ANKS1B: variants seen among roughly 807,000 people sequenced by gnomAD.
ANKS1B encodes the protein ankyrin repeat and sterile alpha motif domain-containing protein 1B.
A neutral mutation model predicts 148.3 loss-of-function variants in ANKS1B; 36 were observed. The observed-to-expected ratio is 0.24, with a 90% CI of 0.19 to 0.32. ANKS1B has a LOEUF of 0.32. Among genes scored for constraint, ANKS1B ranks in the 10% least tolerant of loss-of-function variants. ANKS1B has a pLI of 1.00. For missense variants in ANKS1B, 1,157 were observed against 1,542.6 expected, an observed-to-expected ratio of 0.75 and a Z score of 4.19; for synonymous variants, 542 against 560.8, an observed-to-expected ratio of 0.97 and a Z score of 0.47.
At chr12:99,433,247 T>A (rs1282205404) in intron 11 of ANKS1B, among the ~76,000 whole-genome samples, 11 of 152,040 alleles carry the variant, frequency 7.2e-5, no homozygotes. Context: ...TTCATGAGAG[T>A]CATATCTGTT....
chr12:99,113,663 T>G (rs2060743884), intron 15 of ANKS1B, among the ~76,000 whole-genome samples: 1 of 152,226 alleles, frequency 6.6e-6, no homozygotes, highest in Non-Finnish European at 1.5e-5. Context: ...CTTGGACTTG[T>G]GCCTTTCTCT....
intron 4 of ANKS1B, among the ~76,000 whole-genome samples, chr12:99,791,999 C>T (rs2065714859): frequency 1.3e-5 from 2 of 151,496 alleles, no homozygotes; most frequent in African/African-American, 2.4e-5. Context: ...ATTGACAAAC[C>T]TTTAGCCAGA....
intron 15 of ANKS1B, among the ~76,000 whole-genome samples, 152 bp downstream of exon 15, chr12:99,154,137 G>A (rs1314318663): frequency 1.3e-5 from 2 of 152,130 alleles, no homozygotes; most frequent in Non-Finnish European, 2.9e-5. Context: ...TACACAGCAA[G>A]TTCAGTCCTA....
intron 25 of ANKS1B, among the ~76,000 whole-genome samples, chr12:98,762,376 G>A (rs922069814): frequency 6.6e-6 from 1 of 152,120 alleles, no homozygotes; most frequent in African/African-American, 2.4e-5. Flanking sequence ...AGAGATGCAC[G>A]CACAGTTGAT....
intron 12 of ANKS1B, among the ~76,000 whole-genome samples, chr12:99,307,606 T>C (rs1216357546): frequency 6.6e-6 from 1 of 151,968 alleles, no homozygotes; most frequent in Non-Finnish European, 1.5e-5. Flanking sequence ...AAGAAGTTTG[T>C]GTGTGTGCAT....
intron 1 of ANKS1B, among the ~76,000 whole-genome samples, chr12:99,925,099 C>T (rs945229685): frequency 6.6e-6 from 1 of 152,110 alleles, no homozygotes; most frequent in Non-Finnish European, 1.5e-5. Context: ...TGGGGGCTGG[C>T]TTACACTGGA....
At chr12:99,159,142 C>T (rs1317868490) in intron 14 of ANKS1B, among the ~76,000 whole-genome samples, 3 of 152,046 alleles carry the variant, frequency 2.0e-5, no homozygotes, top group Non-Finnish European at 4.4e-5. Context: ...AAGAGTGGCT[C>T]AACGATTTTG....
chr12:99,345,061 T>G (rs1180723425), intron 12 of ANKS1B: 1 of 152,086 alleles, frequency 6.6e-6, no homozygotes, highest in African/African-American at 2.4e-5. Flanking sequence ...ACCTGGGAAC[T>G]TACGTGTTTA....
chr12:99,388,856 C>T lies in ANKS1B; in HGVS notation c.1756+10775G>A, dbSNP rs12580257. 3.9e-3 allele frequency among the ~76,000 whole-genome samples: 590 copies of T among 152,248 alleles called. 37 individuals are homozygous for T. In the East Asian group the frequency reaches 0.087, roughly 22 times the overall value. Reference sequence around the variant, plus strand: ...GCATCAAGTTGCTAACTTCTATGCCCGAAATTTAAGGAATCAGCTTATTAT... The same window carrying T: ...GCATCAAGTTGCTAACTTCTATGCCTGAAATTTAAGGAATCAGCTTATTAT... On this transcript the variant is annotated intron_variant, in intron 12 of 26. Transcript: ENST00000683438.
chr12:99,620,587 T>C (rs1026436570), intron 9 of ANKS1B, among the ~76,000 whole-genome samples: 2 of 152,282 alleles, frequency 1.3e-5, no homozygotes, highest in East Asian at 3.9e-4. Flanking sequence ...ATTGAAATAC[T>C]TTCAAGAGAA....
At chr12:99,881,759 A>G (rs2092514885) in intron 1 of ANKS1B, among the ~76,000 whole-genome samples, 1 of 152,244 alleles carries the variant, frequency 6.6e-6, no homozygotes. Context: ...ACCACAAGCC[A>G]CTGAAGGCTG....
At chr12:99,075,834 T>C (rs1015419662) in intron 16 of ANKS1B, among the ~76,000 whole-genome samples, 1 of 97,124 alleles carries the variant, frequency 1.0e-5, no homozygotes, top group African/African-American at 2.9e-5. Flanking sequence ...ATCGTATATA[T>C]AATATATGTT....
At chr12:99,892,711 C>A (rs2093176936) in intron 1 of ANKS1B, among the ~76,000 whole-genome samples, 1 of 152,168 alleles carries the variant, frequency 6.6e-6, no homozygotes, top group Admixed American at 6.5e-5. Context: ...CACAGCCAAC[C>A]AACCACCCCT....
chr12:99,535,543 C>G (rs1736067340), intron 9 of ANKS1B, among the ~76,000 whole-genome samples: 1 of 152,176 alleles, frequency 6.6e-6, no homozygotes, highest in Non-Finnish European at 1.5e-5. Context: ...CAAATCAAAA[C>G]TCTCTAGCAT....
chr12:99,741,192 G>A (rs2060064490), intron 8 of ANKS1B, among the ~76,000 whole-genome samples: 1 of 134,576 alleles, frequency 7.4e-6, no homozygotes, highest in Admixed American at 7.7e-5. Context: ...TGGCAACAGA[G>A]CTAGGCTCCG....
chr12:99,264,480 G>C, intron 12 of ANKS1B, among the ~76,000 whole-genome samples: 1 of 152,150 alleles, frequency 6.6e-6, no homozygotes, highest in African/African-American at 2.4e-5. Flanking sequence ...ACCACATGAA[G>C]CGTTTATGAT....
In ANKS1B at chr12:99,566,063, C is replaced by T. The variant is rs117595283; in HGVS notation, c.1273-61422G>A. Among the ~76,000 whole-genome samples the T allele has an allele frequency of 9.9e-5, 15 of 152,274 alleles. No individual in the cohort carries two copies. In the East Asian group the frequency reaches 2.5e-3, roughly 26 times the overall value. ...TGATATTTTTAGCAAAAGTCACACA[C>T]TCTCAATGCCATACTTTTGAGTATG... is the stretch of plus-strand genomic sequence containing the variant. On this transcript the variant is annotated intron_variant, in intron 9 of 26. Coordinates refer to ENST00000683438, the MANE Select transcript of ANKS1B (RefSeq NM_001352186.2).
chr12:99,928,900 A>G (rs1458010238), intron 1 of ANKS1B, among the ~76,000 whole-genome samples: 2 of 152,180 alleles, frequency 1.3e-5, no homozygotes, highest in African/African-American at 4.8e-5. Context: ...GCAGGCTTGG[A>G]AGTGATCAAC....
chr12:99,751,308 A>G (rs1349403982), intron 8 of ANKS1B, among the ~76,000 whole-genome samples: 1 of 152,084 alleles, frequency 6.6e-6, no homozygotes. Context: ...TAAACAAAAA[A>G]TAAATAAAAA....
Sources: allele counts gnomAD v4.1 joint callset (sites outside exome capture counted in the v4.1 genomes callset), GRCh38; gene constraint gnomAD v4.1.1; transcripts MANE v1.5; gene names NCBI Gene and HGNC (gene_info 2026-07-23, HGNC 2026-07-21).